RALGAPA2: variants seen among roughly 807,000 people sequenced by gnomAD.
RALGAPA2 encodes the protein ral GTPase-activating protein subunit alpha-2.
In RALGAPA2, 139 loss-of-function variants were observed where a neutral mutation model predicts 230.4. The observed-to-expected ratio is 0.60, with a 90% CI of 0.53 to 0.69. The LOEUF (loss-of-function observed/expected upper bound fraction) is 0.69. Among genes scored for constraint, RALGAPA2 ranks in the 30% least tolerant of loss-of-function variants. The probability of loss-of-function intolerance (pLI) is 0.00; values close to 1 mark genes in which losing one functional copy is unlikely to be tolerated. For synonymous variants in RALGAPA2, 847 were observed against 837.8 expected, an observed-to-expected ratio of 1.01 and a Z score of -0.19; for missense variants, 2,163 against 2,276.0, an observed-to-expected ratio of 0.95 and a Z score of 1.01.
chr20:20,539,637 C>T (rs1214372498), intron 24 of RALGAPA2, among the ~76,000 whole-genome samples: 1 of 152,168 alleles, frequency 6.6e-6, no homozygotes. Flanking sequence ...CACTTGAGAT[C>T]TACTCTCTTA....
intron 23 of RALGAPA2, among the ~76,000 whole-genome samples, chr20:20,566,578 A>G (rs2064434119): frequency 6.6e-6 from 1 of 152,216 alleles, no homozygotes. Flanking sequence ...TACCCTTAAT[A>G]TTATTACAAG....
intron 10 of RALGAPA2, among the ~76,000 whole-genome samples, chr20:20,627,268 G>A (rs569998001): frequency 1.3e-5 from 2 of 152,276 alleles, no homozygotes; most frequent in South Asian, 4.1e-4. Context: ...GGGAGATGGG[G>A]AACCTAGGAT....
chr20:20,698,571 G>A (rs1220047386), intron 1 of RALGAPA2, among the ~76,000 whole-genome samples: 1 of 152,180 alleles, frequency 6.6e-6, no homozygotes. Flanking sequence ...TGTATTTTTA[G>A]TAGAGTATTT....
chr20:20,569,099 A>G (rs1396316818), intron 23 of RALGAPA2, among the ~76,000 whole-genome samples: 2 of 152,212 alleles, frequency 1.3e-5, no homozygotes, highest in East Asian at 1.9e-4. Flanking sequence ...TATAATTAAT[A>G]TAACATGTGT....
chr20:20,711,148 A>G (rs148266794), intron 1 of RALGAPA2, among the ~76,000 whole-genome samples: 2 of 152,374 alleles, frequency 1.3e-5, no homozygotes, highest in South Asian at 2.1e-4. Context: ...GAGATTGTGA[A>G]TAACTTCACT....
At chr20:20,403,704 C>A (rs1287607715) in intron 38 of RALGAPA2, among the ~76,000 whole-genome samples, 1 of 152,180 alleles carries the variant, frequency 6.6e-6, no homozygotes, top group African/African-American at 2.4e-5. Context: ...CTTCTCTGCA[C>A]CCTAGGGATG....
intron 36 of RALGAPA2, among the ~76,000 whole-genome samples, chr20:20,479,040 A>G (rs573707002): frequency 4.3e-4 from 66 of 152,278 alleles, no homozygotes; most frequent in Admixed American, 1.1e-3. Flanking sequence ...AGTTTAGATG[A>G]AATGGCCAAA....
chr20:20,664,697 A>AG (rs1360243190), intron 3 of RALGAPA2, among the ~76,000 whole-genome samples: 4 of 152,114 alleles, frequency 2.6e-5, no homozygotes, highest in Non-Finnish European at 5.9e-5. Context: ...GCCATGTTTT[A>AG]GGGGAAAAAA....
intron 10 of RALGAPA2, among the ~76,000 whole-genome samples, chr20:20,623,872 AACCTATTT>A (rs1379483539): frequency 6.6e-6 from 1 of 152,050 alleles, no homozygotes. Context: ...AAATATGTTA[AACCTATTT>A]ACCCTAAAGT....
At chr20:20,608,713 G>C (rs766909373) in intron 14 of RALGAPA2, among the ~76,000 whole-genome samples, 5 of 152,268 alleles carry the variant, frequency 3.3e-5, no homozygotes, top group Middle Eastern at 3.4e-3. Flanking sequence ...AGCCTGGCTG[G>C]TAAGTCCAGA....
intron 37 of RALGAPA2, among the ~76,000 whole-genome samples, chr20:20,420,063 G>C (rs1369587984): frequency 6.6e-6 from 1 of 152,206 alleles, no homozygotes; most frequent in Admixed American, 6.5e-5. Flanking sequence ...TGATGGGAGG[G>C]AAGCAGCTAA....
intron 10 of RALGAPA2, among the ~76,000 whole-genome samples, chr20:20,621,324 C>T (rs1273880954): frequency 6.6e-6 from 1 of 152,184 alleles, no homozygotes. Context: ...CATGCTGGTA[C>T]AGCAAGTGGC....
At chr20:20,579,678 C>T (rs1412167912) in intron 20 of RALGAPA2, among the ~76,000 whole-genome samples, 2 of 152,080 alleles carry the variant, frequency 1.3e-5, no homozygotes, top group East Asian at 3.8e-4. Flanking sequence ...CGTTTTCTTC[C>T]AAAAGTTTTT....
At chr20:20,395,913 G>C (rs542435795) in intron 39 of RALGAPA2, among the ~76,000 whole-genome samples, 1 of 152,364 alleles carries the variant, frequency 6.6e-6, no homozygotes, top group African/African-American at 2.4e-5. Flanking sequence ...TCGCTCACTT[G>C]CTTTCTCCTG....
At chr20:20,438,606 C>T (rs1028997912) in intron 37 of RALGAPA2, among the ~76,000 whole-genome samples, 1 of 152,152 alleles carries the variant, frequency 6.6e-6, no homozygotes, top group African/African-American at 2.4e-5. Flanking sequence ...AGCATGGGCC[C>T]GGGGCTGCCA....
chr20:20,424,938 A>C (rs1429634598), intron 37 of RALGAPA2, among the ~76,000 whole-genome samples: 1 of 152,232 alleles, frequency 6.6e-6, no homozygotes, highest in Admixed American at 6.5e-5. Flanking sequence ...ACTGACTCTA[A>C]GAGAAAAAAA....
chr20:20,484,395 A>C (rs976249540), intron 36 of RALGAPA2, among the ~76,000 whole-genome samples: 1 of 152,164 alleles, frequency 6.6e-6, no homozygotes. Flanking sequence ...ATGGAACTCC[A>C]TGGAGCACCA....
chr20:20,621,790 T>C (rs557284539), intron 10 of RALGAPA2, among the ~76,000 whole-genome samples: 21 of 152,356 alleles, frequency 1.4e-4, no homozygotes, highest in Middle Eastern at 3.4e-3. Context: ...TATTTCTATA[T>C]TTGAGGGGAA....
chr20:20,415,728 A>C (rs1260218434), intron 37 of RALGAPA2, among the ~76,000 whole-genome samples: 1 of 152,194 alleles, frequency 6.6e-6, no homozygotes, highest in African/African-American at 2.4e-5. Context: ...CTCTAGAATA[A>C]AAAATAAAAA....
Sources: gnomAD v4.1 joint callset for allele counts (sites outside exome capture counted in the v4.1 genomes callset) on GRCh38, gnomAD v4.1.1 for gene constraint, MANE v1.5 for transcripts, NCBI Gene and HGNC (gene_info 2026-07-23, HGNC 2026-07-21) for gene names.